HEMGN: variants seen among roughly 807,000 people sequenced by gnomAD.
HEMGN encodes hemogen.
In HEMGN, 32 loss-of-function variants were observed where a neutral mutation model predicts 45.7. The ratio of observed to expected loss-of-function variants is 0.70; its 90% CI spans 0.53 to 0.94. The LOEUF is 0.94. Among genes scored for constraint, HEMGN ranks in the 40% least tolerant of loss-of-function variants. The pLI, the probability that HEMGN is intolerant of heterozygous loss-of-function variation, is 0.00. For synonymous variants in HEMGN, 183 were observed against 178.6 expected (o/e 1.02, Z -0.20); for missense variants, 530 against 564.2 (o/e 0.94, Z 0.61).
intron 2 of HEMGN, among the ~76,000 whole-genome samples, chr9:97,934,550 A>G (rs1373776374): frequency 6.6e-6 from 1 of 151,762 alleles, no homozygotes; most frequent in Non-Finnish European, 1.5e-5. Flanking sequence ...AATGATTGGA[A>G]GATTGCTTAG....
intron 2 of HEMGN, among the ~76,000 whole-genome samples, chr9:97,934,391 A>AG (rs1827015320): frequency 7.9e-6 from 1 of 127,044 alleles, no homozygotes; most frequent in African/African-American, 2.8e-5. Flanking sequence ...AGAAAAAAGA[A>AG]AAGGAGAGGA....
upstream of HEMGN, among the ~76,000 whole-genome samples, chr9:97,940,145 C>G (rs1587856704): frequency 6.6e-6 from 1 of 152,134 alleles, no homozygotes; most frequent in Non-Finnish European, 1.5e-5. Context: ...ATAAAATTGT[C>G]CTTACTAAGA....
At chr9:97,938,184 C>T, upstream of HEMGN, 1 of 1,201,778 alleles carries the variant, frequency 8.3e-7, no homozygotes, top group Non-Finnish European at 1.2e-6. Context: ...CCACAAGCAG[C>T]CTAGATGCTT....
chr9:97,940,828 A>G (rs1439978267), upstream of HEMGN, among the ~76,000 whole-genome samples: 2 of 152,142 alleles, frequency 1.3e-5, no homozygotes, highest in African/African-American at 2.4e-5. Flanking sequence ...TGTAGTCCCC[A>G]TAATCGCCCT....
intron 1 of HEMGN, among the ~76,000 whole-genome samples, chr9:97,936,479 A>G (rs543405454): frequency 6.6e-6 from 1 of 152,240 alleles, no homozygotes; most frequent in Non-Finnish European, 1.5e-5. Flanking sequence ...ACCTACTCCT[A>G]CATAGTATTT....
chr9:97,938,653 A>C (rs1273853798), upstream of HEMGN, among the ~76,000 whole-genome samples: 1 of 152,258 alleles, frequency 6.6e-6, no homozygotes, highest in African/African-American at 2.4e-5. Flanking sequence ...GTGAAAGTGA[A>C]AATAATAGAT....
chr9:97,938,174 C>T (rs2131557710), upstream of HEMGN: 2 of 1,306,116 alleles, frequency 1.5e-6, no homozygotes, highest in East Asian at 2.3e-5. Flanking sequence ...GGTCTGACTT[C>T]CACAAGCAGC....
At chr9:97,936,297 A>G (rs781171008) in intron 1 of HEMGN, 33 bp from the exon 2 acceptor site, 1 of 1,437,788 alleles carries the variant, frequency 7.0e-7, no homozygotes, top group Non-Finnish European at 9.8e-7. Context: ...AGAAAAAGTG[A>G]TGAACTGTGG....
In HEMGN at chr9:97,927,179, AC is replaced by A. The variant is rs1826842642; in HGVS notation, c.*204del. On this transcript the variant is annotated 3_prime_UTR_variant, in exon 4 of 4. Coordinates refer to ENST00000616898, the MANE Select transcript of HEMGN (RefSeq NM_197978.3). ...GACCTATACATACATACACACACAC[AC>A]ACACACACACACACACACATTCTAG... 6 of 407,892 alleles carry A rather than the reference AC, an allele frequency of 1.5e-5. No homozygotes were observed. The highest frequency in any genetic ancestry group is 2.6e-5 in the Non-Finnish European group (6 of 226,832). The allele number at this position is 407,892 out of a possible 1,614,324, so 25.3% of individuals were successfully genotyped here.
rs769910210 is a variant in HEMGN at position 97,930,038 on chromosome 9, G to C, written c.1357C>G (p.Gln453Glu). ...TGGTGCTATAAACAGCCCTTACCTT[G>C]AGGAAAAGTATAAGCATCTTTAGCA... ...EDAKDAYTFPQEMKEKPKEEP... is the reference protein window; with the variant it reads ...EDAKDAYTFPEEMKEKPKEEP... Residue 453 changes from glutamine to glutamate, a missense_variant, in exon 3 of 4, where the codon CAA (glutamine) becomes GAA (glutamate). Gln to Glu is a conservative substitution (Grantham distance 29, BLOSUM62 2). Transcript: ENST00000616898. 1.2e-6 allele frequency: 2 copies of C among 1,612,030 alleles called. No homozygotes were observed. The highest frequency in any genetic ancestry group is 2.2e-5 in the South Asian group (2 of 90,826).
In HEMGN at chr9:97,931,122, C is replaced by T; in HGVS notation, c.273G>A (p.Gln91=). 6.2e-7 allele frequency: 1 copy of T among 1,614,138 alleles called. No homozygotes were observed. Among genetic ancestry groups the T allele is most frequent in the Non-Finnish European group, 8.5e-7 (1 of 1,180,038 alleles). ...NTELKVEPQP[Q]IEKEIVEKAL... Reference sequence around the variant, plus strand: ...CTTTCTCCACTATTTCCTTTTCTATCTGTGGCTGAGGCTCCACCTTCAATT... The same window carrying T: ...CTTTCTCCACTATTTCCTTTTCTATTTGTGGCTGAGGCTCCACCTTCAATT... Residue 91 remains glutamine, a synonymous_variant, in exon 3 of 4, where the codon CAG becomes CAA. Transcript: ENST00000616898.
At chr9:97,933,357 A>T (rs1826993026) in intron 2 of HEMGN, among the ~76,000 whole-genome samples, 2 of 152,242 alleles carry the variant, frequency 1.3e-5, no homozygotes, top group African/African-American at 4.8e-5. Flanking sequence ...TAATCTTCAC[A>T]TCAGTCTATG....
At chr9:97,934,740 G>A (rs1827026606) in intron 2 of HEMGN, among the ~76,000 whole-genome samples, 2 of 152,148 alleles carry the variant, frequency 1.3e-5, no homozygotes, top group Admixed American at 6.5e-5. Flanking sequence ...TGGGACAAAT[G>A]ATTCAAAACC....
chr9:97,932,453 GA>G (rs1554720570), intron 2 of HEMGN, among the ~76,000 whole-genome samples: 1 of 151,656 alleles, frequency 6.6e-6, no homozygotes, highest in East Asian at 1.9e-4. Context: ...TAGAAAAAAA[GA>G]AAAAAAGGTA....
upstream of HEMGN, among the ~76,000 whole-genome samples, chr9:97,941,883 G>T (rs1313549195): frequency 1.3e-5 from 2 of 152,226 alleles, no homozygotes; most frequent in Non-Finnish European, 2.9e-5. Context: ...GAAGGATTGA[G>T]AATTGTCCTA....
At chr9:97,937,539 T>C (rs1827085029) in intron 1 of HEMGN, among the ~76,000 whole-genome samples, 2 of 152,034 alleles carry the variant, frequency 1.3e-5, no homozygotes, top group Non-Finnish European at 2.9e-5. Context: ...ATCATATATA[T>C]TACTATATAA....
chr9:97,929,970 G>T, intron 3 of HEMGN, 65 bp downstream of exon 3: 1 of 1,192,966 alleles, frequency 8.4e-7, no homozygotes, highest in Non-Finnish European at 1.2e-6. Context: ...AGGATTGTCA[G>T]AGAAAGTTGT....
At chr9:97,942,710 C>G (rs184966174), upstream of HEMGN, among the ~76,000 whole-genome samples, 10 of 152,238 alleles carry the variant, frequency 6.6e-5, no homozygotes, top group East Asian at 1.9e-3. Flanking sequence ...CCTGACTGAA[C>G]TGGGCAAATG....
chr9:97,932,304 A>G (rs182136492), intron 2 of HEMGN, among the ~76,000 whole-genome samples: 1 of 152,324 alleles, frequency 6.6e-6, no homozygotes, highest in East Asian at 1.9e-4. Context: ...GCATATTTAA[A>G]AAAAGTATAC....
Sources: gnomAD v4.1 joint callset for allele counts (sites outside exome capture counted in the v4.1 genomes callset) on GRCh38, gnomAD v4.1.1 for gene constraint, MANE v1.5 for transcripts, NCBI Gene and HGNC (gene_info 2026-07-23, HGNC 2026-07-21) for gene names.